RPS6KA4: variants seen among roughly 807,000 people sequenced by gnomAD.
The protein encoded by RPS6KA4 is ribosomal protein S6 kinase alpha-4.
A neutral mutation model predicts 89.6 loss-of-function variants in RPS6KA4; 38 were observed. The observed-to-expected ratio is 0.42, with a 90% CI of 0.33 to 0.56. The LOEUF (loss-of-function observed/expected upper bound fraction) is 0.56, where lower values mean the gene tolerates loss of function less well. RPS6KA4 is among the 20% of genes least tolerant of loss of function. The pLI is 0.07. For synonymous variants in RPS6KA4, 495 were observed against 492.8 expected, an observed-to-expected ratio of 1.00 and a Z score of -0.06; for missense variants, 873 against 1,098.8, an observed-to-expected ratio of 0.79 and a Z score of 2.90.
chr11:64,366,692 C>G (rs1207433351), intron 9 of RPS6KA4, among the ~76,000 whole-genome samples: 2 of 152,230 alleles, frequency 1.3e-5, no homozygotes, highest in African/African-American at 4.8e-5. Flanking sequence ...AGTACATTCT[C>G]TACAGCAGTC....
chr11:64,369,396 G>C (rs773784419), intron 12 of RPS6KA4, 50 bp from the exon 13 acceptor site: 1 of 1,507,160 alleles, frequency 6.6e-7, no homozygotes, highest in Non-Finnish European at 8.9e-7. Context: ...GTGGGAGGGG[G>C]CTTGCCGCCG....
chr11:64,361,494 G>A lies in RPS6KA4; in HGVS notation c.596G>A (p.Gly199Asp). ...AAAGAGCGGACCTTCTCCTTCTGTG[G>A]CACCATCGAGTACATGGCCCCCGAA... is the stretch of plus-strand genomic sequence containing the variant. ...EEKERTFSFC[G>D]TIEYMAPEII... is the part of the protein sequence containing the mutation. Residue 199 changes from glycine (G) to aspartate (D), a missense_variant, in exon 6 of 17, where the codon GGC becomes GAC. This residue lies in a region of RPS6KA4 where 542 missense variants were observed against 736.4 expected (regional missense o/e 0.74). Coordinates refer to ENST00000334205, the MANE Select transcript of RPS6KA4 (RefSeq NM_003942.3). This position sits in a 1 kb window ranked among gnomAD's most constrained non-coding sequence, Gnocchi z 4.7. The A allele has an allele frequency of 6.2e-7, 1 of 1,614,120 alleles. No homozygotes were observed. The highest frequency in any genetic ancestry group is 8.5e-7 in the Non-Finnish European group (1 of 1,180,016).
chr11:64,368,837 GCAGGCGGC>G, intron 12 of RPS6KA4, 40 bp downstream of exon 12: 1 of 1,514,234 alleles, frequency 6.6e-7, no homozygotes, highest in East Asian at 2.4e-5. Flanking sequence ...GAGAAAAGGG[GCAGGCGGC>G]GGGGCTTGGG....
In RPS6KA4 at chr11:64,368,701, C is replaced by T. The variant is rs1591318443; in HGVS notation, c.1335-3C>T. ...CCGTAACTCCTTCTGCTCCGTCCCC[C>T]AGGCTGGAGGCGAACACGCAGCGCG... On this transcript the variant is annotated splice_polypyrimidine_tract_variant and splice_region_variant and intron_variant, in intron 11 of 16. Coordinates refer to ENST00000334205, the MANE Select transcript of RPS6KA4 (RefSeq NM_003942.3). 1.9e-6 allele frequency: 3 copies of T among 1,577,322 alleles called. No homozygotes were observed. The highest frequency in any genetic ancestry group is 3.7e-5 in the Admixed American group (2 of 54,348).
At chr11:64,369,937 C>T (rs745378943) in intron 14 of RPS6KA4, 44 bp downstream of exon 14, 3 of 1,462,612 alleles carry the variant, frequency 2.1e-6, no homozygotes, top group Non-Finnish European at 1.8e-6. Flanking sequence ...TCGCTCGGAC[C>T]TGGCGTCTTC....
rs1454040874 is a variant in RPS6KA4, at chr11:64,360,235, T to A, written c.200T>A (p.Leu67Gln). The stretch of plus-strand genomic sequence containing the variant: ...GGGAAGCTGTACGCCATGAAGGTGC[T>A]GCGCAAGGCGGCGCTGGTGCAGCGC... Reference protein sequence around the residue: ...DAGKLYAMKVLRKAALVQRAK... With the variant: ...DAGKLYAMKVQRKAALVQRAK... The change falls in exon 3 of 17, where the codon CTG (leucine) becomes CAG (glutamine). Residue 67 changes from leucine to glutamine, a missense_variant. Physicochemically the swap from Leu to Gln is moderately radical, Grantham distance 113. This residue lies in a region of RPS6KA4 where 542 missense variants were observed against 736.4 expected (regional missense o/e 0.74). Coordinates refer to ENST00000334205, the MANE Select transcript of RPS6KA4 (RefSeq NM_003942.3). The A allele has an allele frequency of 6.5e-7, 1 of 1,547,960 alleles. No homozygotes were observed. The highest frequency in any genetic ancestry group is 1.4e-5 in the African/African-American group (1 of 72,986).
chr11:64,361,118 C>G lies in RPS6KA4; in HGVS notation c.463-16C>G, dbSNP rs2036734393. 1.2e-6 allele frequency: 2 copies of G among 1,610,820 alleles called. No homozygotes were observed. The highest frequency in any genetic ancestry group is 1.1e-5 in the South Asian group (1 of 90,926). On this transcript the variant is annotated splice_polypyrimidine_tract_variant and intron_variant, in intron 4 of 16. Coordinates refer to ENST00000334205, the MANE Select transcript of RPS6KA4 (RefSeq NM_003942.3). This position sits in a 1 kb window ranked among gnomAD's most constrained non-coding sequence, Gnocchi z 4.7. ...TTTCGGGGAGGAAGCCTCAGCACCC[C>G]TCTTGCTCCTACCAGCTCGGCATCA...
chr11:64,368,617 C>T lies in RPS6KA4; in HGVS notation c.1334+16C>T, dbSNP rs751953692. ...TCAGTCGCAGGTGGGAGGGCCCAGG[C>T]GCGGGCAGGGGTGGGGGTGGCAGAG... On this transcript the variant is annotated intron_variant, in intron 11 of 16. Transcript: ENST00000334205. The T allele has an allele frequency of 1.9e-6, 3 of 1,589,062 alleles. No homozygotes were observed. The highest frequency in any genetic ancestry group is 3.5e-5 in the Admixed American group (2 of 56,658).
Position 64,369,881 on chromosome 11 carries a change from GGGCGTCATTCTGGT to G in RPS6KA4, c.1786_1797+2del. ...ACGAGTCCTGCGACCTCTGGAGCCTGGGCGTCATTCTGGTATGGGACGCGGTCCTTGAGGCGGGG... is the reference window on the plus strand; with the variant it reads ...ACGAGTCCTGCGACCTCTGGAGCCTGATGGGACGCGGTCCTTGAGGCGGGG... On this transcript the variant is annotated splice_donor_variant and coding_sequence_variant, in exon 14 of 17. Transcript: ENST00000334205. LOFTEE classifies it high-confidence loss of function. 1 of 1,546,224 alleles carries G rather than the reference GGGCGTCATTCTGGT, an allele frequency of 6.5e-7. No homozygotes were observed. Among genetic ancestry groups the G allele is most frequent in the South Asian group, 1.2e-5 (1 of 84,542 alleles).
rs1486743665 is a variant in RPS6KA4, at chr11:64,370,644, G to C, written c.2039G>C (p.Arg680Pro). ...GSSWLQDGSA[R>P]SSPPLRTPDV... The stretch of plus-strand genomic sequence containing the variant: ...TCGTGGCTGCAGGACGGCAGCGCGC[G>C]CTCCTCGCCCCCGCTCCGGACGCCC... The change falls in exon 16 of 17, where the codon CGC becomes CCC. Residue 680 changes from arginine to proline, a missense_variant. By Grantham distance (103) the Arg-to-Pro change is moderately radical. Transcript: ENST00000334205. This position sits in a 1 kb window ranked among gnomAD's most constrained non-coding sequence, Gnocchi z 4.1. 10 of 1,573,094 alleles carry C rather than the reference G, an allele frequency of 6.4e-6. No individual in the cohort carries two copies. Among genetic ancestry groups the C allele is most frequent in the Admixed American group, 1.8e-5 (1 of 56,824 alleles).
intron 8 of RPS6KA4, 116 bp downstream of exon 8, chr11:64,362,118 A>T: frequency 7.9e-7 from 1 of 1,271,258 alleles, no homozygotes; most frequent in Non-Finnish European, 1.1e-6. Flanking sequence ...CCAGAGAAAG[A>T]AAGCAAGTGT....
chr11:64,371,203 G>T, intron 16 of RPS6KA4, 80 bp from the exon 17 acceptor site: 1 of 1,441,924 alleles, frequency 6.9e-7, no homozygotes, highest in South Asian at 1.2e-5. Context: ...TGGAGGCAAG[G>T]TCTGGGAATG....
chr11:64,368,114 C>T lies in RPS6KA4; in HGVS notation c.1072-18C>T, dbSNP rs764149823. On this transcript the variant is annotated intron_variant, in intron 9 of 16. Transcript: ENST00000334205. ...AACCCCCATGCCCATGCCCATTCCC[C>T]GGACTCCCGCCCTGCAGGGATACTC... 31 of 1,612,212 alleles carry T rather than the reference C, an allele frequency of 1.9e-5. No homozygotes were observed. The Middle Eastern group carries it at 6.6e-4, about 34-fold the overall frequency.
At position 64,359,181 on chromosome 11, in the gene RPS6KA4, T is replaced by A. The variant is rs1252940649; in HGVS notation, c.-55T>A. On this transcript the variant is annotated 5_prime_UTR_variant, in exon 1 of 17. The change abolishes an upstream ATG in the 5' untranslated region. Transcript: ENST00000334205. ...GCGCCCGCCCCGGCCGGAGCCGCCATGTAACCGGCGCCGCCCGGAGCCCGA... is the reference window on the plus strand; with the variant it reads ...GCGCCCGCCCCGGCCGGAGCCGCCAAGTAACCGGCGCCGCCCGGAGCCCGA... 1 of 1,236,902 alleles carries A rather than the reference T, an allele frequency of 8.1e-7. No homozygotes were observed. 76.6% of individuals were successfully genotyped at this position (1,236,902 alleles called of 1,614,324 possible).
At position 64,370,895 on chromosome 11, in the gene RPS6KA4, G is replaced by C. The variant is rs1004692298; in HGVS notation, c.2121+169G>C. On this transcript the variant is annotated intron_variant, in intron 16 of 16. Transcript: ENST00000334205. This position sits in a 1 kb window ranked among gnomAD's most constrained non-coding sequence, Gnocchi z 4.1. ...CCGAGGCGGGCGGATCACGAGGTCA[G>C]GGGTTCGAGACCAGCCTGAACAACA... is the stretch of plus-strand genomic sequence containing the variant. Among the ~76,000 whole-genome samples, 5 of 152,036 alleles carry C rather than the reference G, an allele frequency of 3.3e-5. No homozygotes were observed. The highest frequency in any genetic ancestry group is 1.2e-4 in the African/African-American group (5 of 41,390).
At chr11:64,364,821 C>A (rs1184234049) in intron 8 of RPS6KA4, among the ~76,000 whole-genome samples, 1 of 150,912 alleles carries the variant, frequency 6.6e-6, no homozygotes, top group African/African-American at 2.4e-5. Context: ...TTCACTGCAA[C>A]CTCTGCTTCC....
chr11:64,359,356 C>T lies in RPS6KA4; in HGVS notation c.56-22C>T, dbSNP rs549519124. ...GGACGGGTCATGGACCGGCTGGGCT[C>T]ATTCGCCCCCTGTGCCCACAGCCAA... On this transcript the variant is annotated intron_variant, in intron 1 of 16. Transcript: ENST00000334205. The T allele has an allele frequency of 6.8e-6, 11 of 1,611,804 alleles. No individual in the cohort carries two copies. In the East Asian group the frequency reaches 1.8e-4, roughly 26 times the overall value.
rs1374461967 is a variant in RPS6KA4 at position 64,368,366 on chromosome 11, A to G, written c.1201-102A>G. The G allele has an allele frequency of 3.2e-6, 5 of 1,546,070 alleles. No individual in the cohort carries two copies. In the African/African-American group the frequency reaches 6.9e-5, roughly 21 times the overall value. ...TGGCGCCCGCAGCGTGAGCTCAGCA[A>G]GGTCCTAAGCCTCTCCGACATGGGG... On this transcript the variant is annotated intron_variant, in intron 10 of 16. Transcript: ENST00000334205.
chr11:64,369,613 G>A lies in RPS6KA4; in HGVS notation c.1596G>A (p.Lys532=). ...EEAGVVHRDL[K]PENILYADDT... ...CGGGCGTGGTGCACCGCGACCTCAA[G>A]CCGGAGGTGGGCGAGCTGCCTCGGC... Residue 532 remains lysine, a synonymous_variant, in exon 13 of 17, where the codon AAG becomes AAA. Coordinates refer to ENST00000334205, the MANE Select transcript of RPS6KA4 (RefSeq NM_003942.3). 6.2e-7 allele frequency: 1 copy of A among 1,604,072 alleles called. No individual in the cohort carries two copies. The highest frequency in any genetic ancestry group is 8.5e-7 in the Non-Finnish European group (1 of 1,175,492).
Sources: allele counts gnomAD v4.1 joint callset (sites outside exome capture counted in the v4.1 genomes callset), GRCh38; gene constraint gnomAD v4.1.1; regional missense constraint gnomAD v4.1.1; non-coding constraint Gnocchi (gnomAD v3.1); transcripts MANE v1.5; gene names NCBI Gene and HGNC (gene_info 2026-07-23, HGNC 2026-07-21).